PLS1: variants seen among roughly 807,000 people sequenced by gnomAD.
The protein encoded by PLS1 is plastin 1.
PLS1 carries 32 observed loss-of-function variants against 73.7 expected under a neutral mutation model. The observed-to-expected ratio is 0.43, with a 90% CI of 0.33 to 0.58. The LOEUF (loss-of-function observed/expected upper bound fraction) is 0.58. Among genes scored for constraint, PLS1 ranks in the 20% least tolerant of loss-of-function variants. The pLI is 0.04. For missense variants in PLS1, 633 were observed against 740.5 expected, an observed-to-expected ratio of 0.85 and a Z score of 1.68; for synonymous variants, 217 against 261.3, an observed-to-expected ratio of 0.83 and a Z score of 1.63.
At chr3:142,634,177 T>G (rs2108594438) in intron 1 of PLS1, among the ~76,000 whole-genome samples, 1 of 152,320 alleles carries the variant, frequency 6.6e-6, no homozygotes, top group Admixed American at 6.5e-5. Context: ...AGCAGTAATT[T>G]GCATGATAAC....
In PLS1 at chr3:142,669,066, A is replaced by G. The variant is rs1052703467; in HGVS notation, c.71-324A>G. 3.9e-5 allele frequency among the ~76,000 whole-genome samples: 6 copies of G among 152,232 alleles called. No homozygotes were observed. The South Asian group carries it at 8.3e-4, about 21-fold the overall frequency. ...TTTGTTTTTGTTTTCGTTTTTTAAG[A>G]GATGGGGTCTCACTCTATTGCCTAA... is the stretch of plus-strand genomic sequence containing the variant. On this transcript the variant is annotated intron_variant, in intron 2 of 15. Transcript: ENST00000457734.
intron 14 of PLS1, among the ~76,000 whole-genome samples, chr3:142,705,875 T>C (rs2038451570): frequency 6.6e-6 from 1 of 152,222 alleles, no homozygotes; most frequent in Non-Finnish European, 1.5e-5. Context: ...CTTTTCTATC[T>C]TGGAAGAAAC....
chr3:142,694,863 C>T (rs973966238), intron 11 of PLS1, among the ~76,000 whole-genome samples: 1 of 152,050 alleles, frequency 6.6e-6, no homozygotes, highest in African/African-American at 2.4e-5. Flanking sequence ...GTTGTTATAT[C>T]AGTATTTTTA....
At chr3:142,676,560 C>G (rs1419533112) in intron 5 of PLS1, among the ~76,000 whole-genome samples, 1 of 152,152 alleles carries the variant, frequency 6.6e-6, no homozygotes, top group Non-Finnish European at 1.5e-5. Context: ...TTGTCTGATG[C>G]AGTTTTAAAT....
chr3:142,689,496 G>T (rs187615398), intron 9 of PLS1, 122 bp from the exon 10 acceptor site: 2 of 432,278 alleles, frequency 4.6e-6, no homozygotes, highest in African/African-American at 2.0e-5. Flanking sequence ...TACACATTTT[G>T]ATCTTATTTT....
chr3:142,695,784 A>T (rs1577903681), intron 11 of PLS1, among the ~76,000 whole-genome samples: 1 of 137,236 alleles, frequency 7.3e-6, no homozygotes, highest in African/African-American at 2.8e-5. Context: ...TTATTTATTT[A>T]TTTATTTATT....
intron 1 of PLS1, among the ~76,000 whole-genome samples, chr3:142,660,509 G>T (rs2037346618): frequency 6.6e-6 from 1 of 152,190 alleles, no homozygotes; most frequent in South Asian, 2.1e-4. Flanking sequence ...TAAATGTAGA[G>T]TATTGGTTGT....
chr3:142,659,444 A>G (rs1181092199), intron 1 of PLS1, among the ~76,000 whole-genome samples: 1 of 152,186 alleles, frequency 6.6e-6, no homozygotes, highest in African/African-American at 2.4e-5. Flanking sequence ...TAATTTTATC[A>G]TTATCAGTAT....
At chr3:142,600,877 C>CTCATAT (rs1491308964) in intron 1 of PLS1, among the ~76,000 whole-genome samples, 1 of 23,538 alleles carries the variant, frequency 4.2e-5, no homozygotes, top group Non-Finnish European at 7.4e-5. Context: ...GGCCTGGTTT[C>CTCATAT]ATATATATAT....
intron 14 of PLS1, among the ~76,000 whole-genome samples, chr3:142,709,651 C>CT (rs1285572649): frequency 6.6e-6 from 1 of 152,036 alleles, no homozygotes; most frequent in Non-Finnish European, 1.5e-5. Context: ...CCCATCTCTA[C>CT]TAAAAATACA....
chr3:142,710,512 C>A (rs1933073143), intron 14 of PLS1, among the ~76,000 whole-genome samples: 1 of 152,046 alleles, frequency 6.6e-6, no homozygotes, highest in Non-Finnish European at 1.5e-5. Context: ...GCACTGTATG[C>A]TTTATACATA....
In PLS1 at chr3:142,676,140, A is replaced by C; in HGVS notation, c.365-17A>C. Reference sequence around the variant, plus strand: ...TTTGTGAAATGAGATTTGCCTACCAAGGTTTTCTCCTTTCAGAGGAAGAAA... The same window carrying C: ...TTTGTGAAATGAGATTTGCCTACCACGGTTTTCTCCTTTCAGAGGAAGAAA... On this transcript the variant is annotated splice_polypyrimidine_tract_variant and intron_variant, in intron 4 of 15. Coordinates refer to ENST00000457734, the MANE Select transcript of PLS1 (RefSeq NM_001145319.2). 6.2e-7 allele frequency: 1 copy of C among 1,604,268 alleles called. No homozygotes were observed. Among genetic ancestry groups the C allele is most frequent in the Non-Finnish European group, 8.5e-7 (1 of 1,176,858 alleles).
intron 10 of PLS1, among the ~76,000 whole-genome samples, chr3:142,690,104 T>C (rs1482900572): frequency 6.6e-6 from 1 of 152,174 alleles, no homozygotes; most frequent in African/African-American, 2.4e-5. Flanking sequence ...GACAATGAAT[T>C]ATCTATTAGA....
chr3:142,700,455 T>C (rs1203608205), intron 12 of PLS1, among the ~76,000 whole-genome samples: 3 of 152,138 alleles, frequency 2.0e-5, no homozygotes, highest in Non-Finnish European at 4.4e-5. Context: ...CCTAAGTAGC[T>C]GGGACTACAG....
At chr3:142,640,797 A>T (rs2036814918) in intron 1 of PLS1, among the ~76,000 whole-genome samples, 1 of 152,088 alleles carries the variant, frequency 6.6e-6, no homozygotes, top group African/African-American at 2.4e-5. Flanking sequence ...TTATTGTAGT[A>T]GTTTATCAAG....
chr3:142,669,523 T>A lies in PLS1; in HGVS notation c.204T>A (p.Asp68Glu), dbSNP rs553898224. The change falls in exon 3 of 16, where the codon GAT becomes GAA. Residue 68 changes from aspartate (D) to glutamate (E), a missense_variant. Physicochemically the swap from Asp to Glu is conservative, Grantham distance 45. Transcript: ENST00000457734. Reference protein sequence around the residue: ...KILSVADSNKDGKISFEEFVS... With the variant: ...KILSVADSNKEGKISFEEFVS... ...TATCAGTTGCTGACAGCAACAAAGA[T>A]GGCAAAATCAGTTTTGAAGAGTTTG... 1.2e-6 allele frequency: 2 copies of A among 1,613,338 alleles called. No individual in the cohort carries two copies. Among genetic ancestry groups the A allele is most frequent in the South Asian group, 2.2e-5 (2 of 90,940 alleles).
chr3:142,702,447 G>A (rs2038350707), intron 12 of PLS1, among the ~76,000 whole-genome samples: 1 of 151,994 alleles, frequency 6.6e-6, no homozygotes, highest in African/African-American at 2.4e-5. Flanking sequence ...CTTACTATTG[G>A]GGAAAATGTA....
chr3:142,709,686 C>T lies in PLS1; in HGVS notation c.1630-1815C>T, dbSNP rs78430785. On this transcript the variant is annotated intron_variant, in intron 14 of 15. Coordinates refer to ENST00000457734, the MANE Select transcript of PLS1 (RefSeq NM_001145319.2). ...AAAAATATCAGCCGGGTGTGGTGGC[C>T]GGCGCCTGTAGTCCCAGCTACTCAG... Among the ~76,000 whole-genome samples, 368 of 151,838 alleles carry T rather than the reference C, an allele frequency of 2.4e-3. 12 individuals are homozygous for T. In the East Asian group the frequency reaches 0.061, roughly 25 times the overall value.
At chr3:142,616,213 T>C (rs1181345960) in intron 1 of PLS1, among the ~76,000 whole-genome samples, 1 of 152,196 alleles carries the variant, frequency 6.6e-6, no homozygotes, top group Non-Finnish European at 1.5e-5. Flanking sequence ...TCCTGCCCTG[T>C]AGTCTGGAAG....
Sources: gnomAD v4.1 joint callset for allele counts (sites outside exome capture counted in the v4.1 genomes callset) on GRCh38, gnomAD v4.1.1 for gene constraint, MANE v1.5 for transcripts, NCBI Gene and HGNC (gene_info 2026-07-23, HGNC 2026-07-21) for gene names.